Variants in TNKS observed in about 807,000 individuals in gnomAD.
The protein encoded by TNKS is tankyrase.
A neutral mutation model predicts 135.8 loss-of-function variants in TNKS; 72 were observed. That is an observed-to-expected ratio of 0.53 (90% CI 0.44 to 0.64). The LOEUF is 0.64. Among genes scored for constraint, TNKS ranks in the 30% least tolerant of loss-of-function variants. TNKS has a pLI of 0.00. For missense variants in TNKS, 1,769 were observed against 1,674.0 expected, an observed-to-expected ratio of 1.06 and a Z score of -0.99; for synonymous variants, 849 against 649.3, an observed-to-expected ratio of 1.31 and a Z score of -4.68.
intron 1 of TNKS, among the ~76,000 whole-genome samples, chr8:9,571,658 C>T (rs1009840103): frequency 3.9e-5 from 6 of 152,040 alleles, no homozygotes; most frequent in South Asian, 2.1e-4. Flanking sequence ...GGGGTTTCAC[C>T]GTGTTAGCTG....
At position 9,623,926 on chromosome 8, in the gene TNKS, C is replaced by T. The variant is rs375095271; in HGVS notation, c.994+8249C>T. On this transcript the variant is annotated intron_variant, in intron 3 of 26. Transcript: ENST00000310430. ...GTGAGGCTGGAGAATTGCTTGAACC[C>T]GGGAGGCAGAAGTTGCAGTGAACCG... Among the ~76,000 whole-genome samples, 7 of 151,906 alleles carry T rather than the reference C, an allele frequency of 4.6e-5. No individual in the cohort carries two copies. In the South Asian group the frequency reaches 8.3e-4, roughly 18 times the overall value.
chr8:9,619,943 C>G (rs887986194), intron 3 of TNKS, among the ~76,000 whole-genome samples: 2 of 151,234 alleles, frequency 1.3e-5, no homozygotes, highest in Admixed American at 1.3e-4. Flanking sequence ...GAACTCTTTC[C>G]TTATTTTTAT....
chr8:9,615,462 T>C, intron 2 of TNKS, 120 bp from the exon 3 acceptor site: 1 of 721,364 alleles, frequency 1.4e-6, no homozygotes. Flanking sequence ...TTTTTTTTTC[T>C]TGAAAGAGAA....
At chr8:9,747,965 A>G in intron 17 of TNKS, 59 bp from the exon 18 acceptor site, 1 of 1,492,420 alleles carries the variant, frequency 6.7e-7, no homozygotes, top group Non-Finnish European at 9.1e-7. Context: ...GGTATACACA[A>G]TGGTGCTTTA....
At chr8:9,769,654 C>G (rs780398108) in intron 25 of TNKS, among the ~76,000 whole-genome samples, 3 of 121,102 alleles carry the variant, frequency 2.5e-5, no homozygotes, top group African/African-American at 6.2e-5. Flanking sequence ...GAGTCTCGCT[C>G]TGTCGCCCAG....
chr8:9,663,469 T>C (rs1030994206), intron 3 of TNKS, among the ~76,000 whole-genome samples: 1 of 152,220 alleles, frequency 6.6e-6, no homozygotes, highest in African/African-American at 2.4e-5. Context: ...TGCAAGTTTT[T>C]CCTACCATGA....
chr8:9,585,422 TC>T (rs965463269), intron 2 of TNKS, among the ~76,000 whole-genome samples: 8 of 152,044 alleles, frequency 5.3e-5, no homozygotes, highest in Admixed American at 5.2e-4. Context: ...GAGAAACCTA[TC>T]TTGAGATTGA....
intron 1 of TNKS, among the ~76,000 whole-genome samples, chr8:9,572,286 C>T (rs1450420612): frequency 6.6e-6 from 1 of 152,172 alleles, no homozygotes; most frequent in Non-Finnish European, 1.5e-5. Flanking sequence ...TGACTTCAGT[C>T]AACTGATTCT....
At chr8:9,698,148 G>A (rs985785133) in intron 5 of TNKS, among the ~76,000 whole-genome samples, 4 of 152,080 alleles carry the variant, frequency 2.6e-5, no homozygotes, top group Non-Finnish European at 2.9e-5. Flanking sequence ...ATTAATGTAG[G>A]AACAGAAAAC....
At position 9,556,455 on chromosome 8, in the gene TNKS, T is replaced by C. The variant is rs1282519972; in HGVS notation, c.516T>C (p.Pro172=). The C allele has an allele frequency of 1.2e-6, 2 of 1,613,996 alleles. No individual in the cohort carries two copies. Among genetic ancestry groups the C allele is most frequent in the East Asian group, 2.2e-5 (1 of 44,876 alleles). Residue 172 remains proline (P), a synonymous_variant, in exon 1 of 27, where the codon CCT becomes CCC. Transcript: ENST00000310430. ...CACTGGGGCCTGGGGCAGCAGGACCTGGGACAGGGGTCCCAGCAGTGAGCG... is the reference window on the plus strand; with the variant it reads ...CACTGGGGCCTGGGGCAGCAGGACCCGGGACAGGGGTCCCAGCAGTGAGCG... ...TAPLGPGAAG[P]GTGVPAVSGA... is the part of the protein sequence containing the mutation.
chr8:9,602,148 C>T (rs891425512), intron 2 of TNKS, among the ~76,000 whole-genome samples: 1 of 152,078 alleles, frequency 6.6e-6, no homozygotes, highest in East Asian at 1.9e-4. Context: ...GACAGCTCCC[C>T]GCCGTTAAGT....
At chr8:9,711,735 G>A (rs1804343538) in intron 11 of TNKS, among the ~76,000 whole-genome samples, 1 of 152,152 alleles carries the variant, frequency 6.6e-6, no homozygotes, top group African/African-American at 2.4e-5. Flanking sequence ...TTAGGTAAAT[G>A]ATAAAATAAC....
chr8:9,615,634 A>G lies in TNKS; in HGVS notation c.951A>G (p.Ser317=). The change falls in exon 3 of 27, where the codon TCA becomes TCG. Residue 317 remains serine, a synonymous_variant. Transcript: ENST00000310430. ...ACATTCGGAACACTGATGGGAAATCAGCCCTGGACCTGGCAGATCCTTCAG... is the reference window on the plus strand; with the variant it reads ...ACATTCGGAACACTGATGGGAAATCGGCCCTGGACCTGGCAGATCCTTCAG... ...DPNIRNTDGK[S]ALDLADPSAK... 1 of 1,613,724 alleles carries G rather than the reference A, an allele frequency of 6.2e-7. No individual in the cohort carries two copies. The highest frequency in any genetic ancestry group is 8.5e-7 in the Non-Finnish European group (1 of 1,179,832).
intron 11 of TNKS, among the ~76,000 whole-genome samples, chr8:9,716,420 C>T (rs1341022390): frequency 6.6e-6 from 1 of 152,032 alleles, no homozygotes; most frequent in African/African-American, 2.4e-5. Context: ...GGGCAAGTGT[C>T]CCAGAGACAT....
intron 1 of TNKS, among the ~76,000 whole-genome samples, chr8:9,564,563 G>C (rs898971090): frequency 6.6e-6 from 1 of 152,208 alleles, no homozygotes; most frequent in Non-Finnish European, 1.5e-5. Flanking sequence ...GCCTCCTTTT[G>C]TGTCATAGAC....
At chr8:9,592,219 G>A (rs74822765) in intron 2 of TNKS, among the ~76,000 whole-genome samples, 5,131 of 152,178 alleles carry the variant, frequency 0.034, 128 homozygotes, top group Non-Finnish European at 0.051. Context: ...TTCCACAAAC[G>A]AAGACTTATT....
At chr8:9,766,143 T>A in intron 24 of TNKS, 96 bp from the exon 25 acceptor site, 12 of 1,035,630 alleles carry the variant, frequency 1.2e-5, no homozygotes, top group Non-Finnish European at 1.7e-5. Flanking sequence ...CACCATTCAT[T>A]TCTTAATATT....
At chr8:9,613,197 A>C (rs1799525103) in intron 2 of TNKS, among the ~76,000 whole-genome samples, 1 of 152,206 alleles carries the variant, frequency 6.6e-6, no homozygotes, top group South Asian at 2.1e-4. Flanking sequence ...ATTTACTATC[A>C]GGCCTACTAC....
chr8:9,586,960 C>CAT (rs1341388974), intron 2 of TNKS, among the ~76,000 whole-genome samples: 6 of 152,010 alleles, frequency 3.9e-5, no homozygotes, highest in African/African-American at 1.5e-4. Context: ...TAGAAAGAAC[C>CAT]ATATACATAT....
Sources: allele counts gnomAD v4.1 joint callset (sites outside exome capture counted in the v4.1 genomes callset), GRCh38; gene constraint gnomAD v4.1.1; transcripts MANE v1.5; gene names NCBI Gene and HGNC (gene_info 2026-07-23, HGNC 2026-07-21).